ANKMY2: variants seen among roughly 807,000 people sequenced by gnomAD.
The protein encoded by ANKMY2 is ankyrin repeat and MYND domain-containing protein 2.
In ANKMY2, 36 loss-of-function variants were observed where a neutral mutation model predicts 50.4. The ratio of observed to expected loss-of-function variants is 0.71; its 90% CI spans 0.55 to 0.94. The LOEUF (loss-of-function observed/expected upper bound fraction) is 0.94, where lower values mean the gene tolerates loss of function less well. ANKMY2 is among the 40% of genes least tolerant of loss of function. The pLI, the probability that ANKMY2 is intolerant of heterozygous loss-of-function variation, is 0.00. For missense variants in ANKMY2, 565 were observed against 524.0 expected, an observed-to-expected ratio of 1.08 and a Z score of -0.76; for synonymous variants, 187 against 178.8, an observed-to-expected ratio of 1.05 and a Z score of -0.36.
chr7:16,613,534 T>C (rs1781291247), intron 5 of ANKMY2, among the ~76,000 whole-genome samples: 1 of 152,176 alleles, frequency 6.6e-6, no homozygotes, highest in African/African-American at 2.4e-5. Flanking sequence ...TATAATAGGA[T>C]AGCCCCCTTC....
At chr7:16,645,086 A>T (rs1781813294) in intron 1 of ANKMY2, among the ~76,000 whole-genome samples, 1 of 152,084 alleles carries the variant, frequency 6.6e-6, no homozygotes, top group Non-Finnish European at 1.5e-5. Context: ...AAGGATCCAG[A>T]TCATTCGGCC....
rs1781236390 is a variant in ANKMY2 at position 16,610,772 on chromosome 7, A to G, written c.532-9T>C. The G allele has an allele frequency of 6.2e-7, 1 of 1,611,848 alleles. No individual in the cohort carries two copies. The highest frequency in any genetic ancestry group is 8.5e-7 in the Non-Finnish European group (1 of 1,178,820). ...TTTACAAGCATCACGATCTAGAGGA[A>G]ATCCCAGTGTACTCAGGTATTAAAG... On this transcript the variant is annotated splice_polypyrimidine_tract_variant and intron_variant, in intron 5 of 9. Transcript: ENST00000306999.
In ANKMY2 at chr7:16,637,087, T is replaced by C. The variant is rs76499456; in HGVS notation, c.68-632A>G. Among the ~76,000 whole-genome samples, 623 of 152,342 alleles carry C rather than the reference T, an allele frequency of 4.1e-3. 4 individuals carry two copies. The highest frequency in any genetic ancestry group is 7.0e-3 in the Non-Finnish European group (475 of 68,020). ...GGCCAAAGTTGTCAGGTTTTTCCAGTCTTCTATAAGGCATAATGACAGAAG... is the reference window on the plus strand; with the variant it reads ...GGCCAAAGTTGTCAGGTTTTTCCAGCCTTCTATAAGGCATAATGACAGAAG... On this transcript the variant is annotated intron_variant, in intron 1 of 9. Coordinates refer to ENST00000306999, the MANE Select transcript of ANKMY2 (RefSeq NM_020319.3).
chr7:16,604,019 G>C (rs1484954030), intron 8 of ANKMY2, among the ~76,000 whole-genome samples: 1 of 152,216 alleles, frequency 6.6e-6, no homozygotes, highest in Non-Finnish European at 1.5e-5. Context: ...TCAGGAAACA[G>C]GTTCAGAGAA....
At chr7:16,610,189 C>G (rs1199742052) in intron 6 of ANKMY2, among the ~76,000 whole-genome samples, 2 of 152,154 alleles carry the variant, frequency 1.3e-5, no homozygotes, top group Non-Finnish European at 2.9e-5. Flanking sequence ...GTAACAGAGA[C>G]ACCCTGGATG....
intron 7 of ANKMY2, 67 bp downstream of exon 7, chr7:16,609,563 T>C (rs1357668186): frequency 2.0e-6 from 3 of 1,481,248 alleles, no homozygotes; most frequent in Non-Finnish European, 2.7e-6. Context: ...AGAACTTGCC[T>C]TTAACAATAC....
At chr7:16,616,977 G>C (rs1781364294) in intron 4 of ANKMY2, among the ~76,000 whole-genome samples, 2 of 152,236 alleles carry the variant, frequency 1.3e-5, no homozygotes, top group Non-Finnish European at 2.9e-5. Context: ...GAGAACCCAG[G>C]AGTGGCAGGC....
intron 4 of ANKMY2, among the ~76,000 whole-genome samples, chr7:16,622,729 G>C (rs556992526): frequency 6.7e-6 from 1 of 150,332 alleles, no homozygotes; most frequent in African/African-American, 2.5e-5. Flanking sequence ...GACAGGGCGA[G>C]ACTCCATCTC....
chr7:16,609,667 A>AGG lies in ANKMY2; in HGVS notation c.843_844dup (p.Leu282ProfsTer58). Reference sequence around the variant, plus strand: ...AGCAATGCTTCGAACCAGCTGCTGGAGGAGTGTAGCTTCACAGTAAGGAAA... The same window carrying AGG: ...AGCAATGCTTCGAACCAGCTGCTGGAGGGGAGTGTAGCTTCACAGTAAGGAAA... On this transcript the variant is annotated frameshift_variant, in exon 7 of 10. Coordinates refer to ENST00000306999, the MANE Select transcript of ANKMY2 (RefSeq NM_020319.3). LOFTEE classifies it high-confidence loss of function. 1 of 1,611,720 alleles carries AGG rather than the reference A, an allele frequency of 6.2e-7. No homozygotes were observed. The highest frequency in any genetic ancestry group is 1.7e-5 in the Admixed American group (1 of 59,448).
At chr7:16,609,797 T>G in intron 6 of ANKMY2, 32 bp from the exon 7 acceptor site, 1 of 1,604,496 alleles carries the variant, frequency 6.2e-7, no homozygotes, top group Non-Finnish European at 8.5e-7. Context: ...GTAATTGGAG[T>G]TGAATCACTA....
At chr7:16,626,793 C>T (rs777241273) in intron 3 of ANKMY2, among the ~76,000 whole-genome samples, 2 of 152,150 alleles carry the variant, frequency 1.3e-5, no homozygotes, top group African/African-American at 2.4e-5. Flanking sequence ...TCCAGTTCCT[C>T]AATTCCATCA....
At chr7:16,629,692 G>C (rs1369532456) in intron 2 of ANKMY2, among the ~76,000 whole-genome samples, 1 of 152,072 alleles carries the variant, frequency 6.6e-6, no homozygotes, top group African/African-American at 2.4e-5. Context: ...AAAAACTAGT[G>C]ATAAGTAACA....
intron 2 of ANKMY2, among the ~76,000 whole-genome samples, chr7:16,630,685 A>G (rs907747699): frequency 1.3e-5 from 2 of 152,230 alleles, no homozygotes; most frequent in Non-Finnish European, 2.9e-5. Context: ...CCTGGGACTT[A>G]CAGTACAGGT....
intron 9 of ANKMY2, among the ~76,000 whole-genome samples, chr7:16,601,251 T>G (rs1781057688): frequency 6.6e-6 from 1 of 152,224 alleles, no homozygotes; most frequent in South Asian, 2.1e-4. Context: ...ATACAGCTTT[T>G]CTGTGAATTT....
chr7:16,611,799 C>T (rs1041354028), intron 5 of ANKMY2, among the ~76,000 whole-genome samples: 7 of 152,144 alleles, frequency 4.6e-5, no homozygotes, highest in African/African-American at 1.7e-4. Flanking sequence ...CACTGTTGTG[C>T]CCACCATTGA....
chr7:16,620,370 G>A (rs1781414834), intron 4 of ANKMY2, among the ~76,000 whole-genome samples: 1 of 151,790 alleles, frequency 6.6e-6, no homozygotes, highest in South Asian at 2.1e-4. Context: ...AAAGTCCACA[G>A]CTACAGGTAT....
At chr7:16,609,595 A>G (rs1314267015) in intron 7 of ANKMY2, 35 bp downstream of exon 7, 1 of 1,562,900 alleles carries the variant, frequency 6.4e-7, no homozygotes, top group East Asian at 2.4e-5. Context: ...ATTAGGTTTT[A>G]CTGATAGAGT....
chr7:16,615,870 G>C lies in ANKMY2; in HGVS notation c.405C>G (p.Phe135Leu). The change falls in exon 5 of 10, where the codon TTC (phenylalanine) becomes TTG (leucine). Residue 135 changes from phenylalanine to leucine, a missense_variant. Physicochemically the swap from Phe to Leu is conservative, Grantham distance 22. Transcript: ENST00000306999. ...AATAATCCAGTCTCTCTCGAGGAAAGAAATTGTTGATTATGGTCACACAAT... is the reference window on the plus strand; with the variant it reads ...AATAATCCAGTCTCTCTCGAGGAAACAAATTGTTGATTATGGTCACACAAT... ...QHDCVTIINN[F>L]FPRERLDYYT... The C allele has an allele frequency of 1.2e-6, 2 of 1,613,728 alleles. No individual in the cohort carries two copies. The highest frequency in any genetic ancestry group is 1.7e-6 in the Non-Finnish European group (2 of 1,179,842).
chr7:16,606,722 A>G (rs1254146256), intron 7 of ANKMY2, among the ~76,000 whole-genome samples: 1 of 152,234 alleles, frequency 6.6e-6, no homozygotes, highest in Admixed American at 6.5e-5. Flanking sequence ...ACAATGTCCT[A>G]CACTGTTCTG....
Sources: gnomAD v4.1 joint callset for allele counts (sites outside exome capture counted in the v4.1 genomes callset) on GRCh38, gnomAD v4.1.1 for gene constraint, MANE v1.5 for transcripts, NCBI Gene and HGNC (gene_info 2026-07-23, HGNC 2026-07-21) for gene names.